The following KDSR variants were observed in gnomAD, a reference collection of about 807,000 sequenced individuals.
KDSR encodes the protein 3-dehydrosphinganine reductase.
In KDSR, 23 loss-of-function variants were observed where a neutral mutation model predicts 41.3. That is an observed-to-expected ratio of 0.56 (90% CI 0.40 to 0.79). The LOEUF (loss-of-function observed/expected upper bound fraction) is 0.79. Ranked by LOEUF, KDSR falls within the 30% of genes least tolerant of loss-of-function variation. The probability of loss-of-function intolerance (pLI) is 0.00; values close to 1 mark genes in which losing one functional copy is unlikely to be tolerated. For synonymous variants in KDSR, 138 were observed against 151.7 expected, an observed-to-expected ratio of 0.91 and a Z score of 0.66; for missense variants, 351 against 416.8, an observed-to-expected ratio of 0.84 and a Z score of 1.37.
chr18:63,338,982 T>C (rs1385950604), intron 7 of KDSR, 99 bp from the exon 8 acceptor site: 1 of 715,706 alleles, frequency 1.4e-6, no homozygotes, highest in African/African-American at 1.8e-5. Flanking sequence ...TAATTCCAAT[T>C]TTCTACCTTT....
At chr18:63,354,445 G>C (rs1914742966) in intron 5 of KDSR, among the ~76,000 whole-genome samples, 1 of 152,196 alleles carries the variant, frequency 6.6e-6, no homozygotes, top group Admixed American at 6.5e-5. Flanking sequence ...AGGTGGGCCA[G>C]TCACCTGAGG....
chr18:63,354,482 A>G (rs1458101157), intron 5 of KDSR, among the ~76,000 whole-genome samples: 3 of 152,172 alleles, frequency 2.0e-5, no homozygotes, highest in South Asian at 2.1e-4. Context: ...AGCCGGGCCA[A>G]CGTGGCGTAA....
intron 3 of KDSR, among the ~76,000 whole-genome samples, chr18:63,357,164 G>C (rs1914818995): frequency 6.6e-6 from 1 of 151,998 alleles, no homozygotes; most frequent in African/African-American, 2.4e-5. Context: ...CATCAGAAAG[G>C]CAAAAAGTAA....
intron 1 of KDSR, among the ~76,000 whole-genome samples, chr18:63,365,696 C>A (rs180809468): frequency 1.3e-5 from 2 of 152,176 alleles, no homozygotes; most frequent in Non-Finnish European, 2.9e-5. Context: ...AAGTTATGCT[C>A]TATAAACTCA....
Position 63,367,127 on chromosome 18 carries a change from G to T in KDSR, c.-9C>A, listed in dbSNP as rs767249236. The T allele has an allele frequency of 3.1e-6, 4 of 1,307,694 alleles. No homozygotes were observed. The Admixed American group carries it at 1.3e-4, about 42-fold the overall frequency. 81.0% of individuals were successfully genotyped at this position (1,307,694 alleles called of 1,614,324 possible). ...GCAGCCAGCAGCAGCATCGCTCCGC[G>T]GGGCCAGGGGCCCGGAGCGGCCGGG... On this transcript the variant is annotated 5_prime_UTR_variant, in exon 1 of 10. Transcript: ENST00000645214.
chr18:63,350,937 G>C lies in KDSR; in HGVS notation c.560C>G (p.Ser187Cys). 6.2e-7 allele frequency: 1 copy of C among 1,614,170 alleles called. No individual in the cohort carries two copies. Among genetic ancestry groups the C allele is most frequent in the Non-Finnish European group, 8.5e-7 (1 of 1,180,000 alleles). ...TCCCCTTATGGCAAACTTGGATGCAGAGTAGGCTGTGAAACCGAATAATCC... is the reference window on the plus strand; with the variant it reads ...TCCCCTTATGGCAAACTTGGATGCACAGTAGGCTGTGAAACCGAATAATCC... ...QLGLFGFTAY[S>C]ASKFAIRGLA... Residue 187 changes from serine to cysteine, a missense_variant, in exon 6 of 10, where the codon TCT becomes TGT. By Grantham distance (112) the Ser-to-Cys change is moderately radical. Coordinates refer to ENST00000645214, the MANE Select transcript of KDSR (RefSeq NM_002035.4).
At chr18:63,349,831 A>G (rs1195655476) in intron 6 of KDSR, among the ~76,000 whole-genome samples, 7 of 152,238 alleles carry the variant, frequency 4.6e-5, no homozygotes, top group African/African-American at 7.2e-5. Flanking sequence ...ACAATTGTTC[A>G]TTTACACATT....
intron 5 of KDSR, among the ~76,000 whole-genome samples, chr18:63,351,491 G>A (rs1322715127): frequency 2.0e-5 from 3 of 152,236 alleles, no homozygotes; most frequent in Non-Finnish European, 4.4e-5. Flanking sequence ...CACAGAGTAG[G>A]AGGGTGATTT....
intron 6 of KDSR, among the ~76,000 whole-genome samples, chr18:63,347,268 C>T (rs545967863): frequency 9.2e-5 from 14 of 152,094 alleles, no homozygotes; most frequent in Admixed American, 2.0e-4. Context: ...CTTTGGGAGG[C>T]CGAGGCAGGC....
At chr18:63,356,709 G>A (rs116575976) in intron 3 of KDSR, among the ~76,000 whole-genome samples, 8 of 152,312 alleles carry the variant, frequency 5.3e-5, no homozygotes, top group South Asian at 4.1e-4. Context: ...AGCCCAGAGC[G>A]GAGACAGTGT....
intron 2 of KDSR, 45 bp from the exon 3 acceptor site, chr18:63,359,837 C>A (rs2144377418): frequency 7.7e-7 from 1 of 1,304,000 alleles, no homozygotes; most frequent in Admixed American, 1.7e-5. Context: ...CGTCTATATG[C>A]ATGTCCGTTT....
intron 1 of KDSR, among the ~76,000 whole-genome samples, chr18:63,364,448 T>G (rs1247763239): frequency 1.3e-5 from 2 of 151,632 alleles, no homozygotes; most frequent in African/African-American, 4.9e-5. Context: ...AACATTATTT[T>G]TCTTTTTTTT....
intron 5 of KDSR, among the ~76,000 whole-genome samples, chr18:63,354,917 T>C (rs888880962): frequency 1.3e-5 from 2 of 152,186 alleles, no homozygotes; most frequent in Non-Finnish European, 2.9e-5. Flanking sequence ...CTCTTGAAAA[T>C]ATGACCTCAG....
At chr18:63,361,045 A>G (rs1301577291) in intron 2 of KDSR, among the ~76,000 whole-genome samples, 1 of 135,874 alleles carries the variant, frequency 7.4e-6, no homozygotes, top group African/African-American at 2.8e-5. Flanking sequence ...ATAAAAATAT[A>G]TATTTTATAT....
At chr18:63,354,011 A>G (rs561745819) in intron 5 of KDSR, among the ~76,000 whole-genome samples, 1 of 152,288 alleles carries the variant, frequency 6.6e-6, no homozygotes, top group South Asian at 2.1e-4. Flanking sequence ...ATGTAGGACA[A>G]TGAAAAAAAA....
At position 63,338,856 on chromosome 18, in the gene KDSR, T is replaced by C. The variant is rs772608313; in HGVS notation, c.721A>G (p.Thr241Ala). 6.2e-7 allele frequency: 1 copy of C among 1,608,498 alleles called. No homozygotes were observed. Among genetic ancestry groups the C allele is most frequent in the East Asian group, 2.2e-5 (1 of 44,826 alleles). Residue 241 changes from threonine to alanine, a missense_variant, in exon 8 of 10, where the codon ACC (threonine) becomes GCC (alanine). Thr to Ala is a moderately conservative substitution (Grantham distance 58). Coordinates refer to ENST00000645214, the MANE Select transcript of KDSR (RefSeq NM_002035.4). Reference protein sequence around the residue: ...KPLETRLISETTSVCKPEQVA... With the variant: ...KPLETRLISEATSVCKPEQVA... ...TGTTCTGGTTTGCACACAGATGTGG[T>C]CTCTGAAATAAGTCGAGTCTCCAAA... is the stretch of plus-strand genomic sequence containing the variant.
intron 9 of KDSR, among the ~76,000 whole-genome samples, chr18:63,332,530 A>G (rs1349548200): frequency 1.3e-5 from 2 of 152,154 alleles, no homozygotes; most frequent in Non-Finnish European, 2.9e-5. Context: ...GTCCCCGTGC[A>G]TAAGAGAATG....
At chr18:63,360,235 C>T (rs1383393455) in intron 2 of KDSR, among the ~76,000 whole-genome samples, 2 of 152,164 alleles carry the variant, frequency 1.3e-5, no homozygotes, top group African/African-American at 4.8e-5. Flanking sequence ...CTACTATAAA[C>T]CCAAACATAG....
intron 3 of KDSR, among the ~76,000 whole-genome samples, chr18:63,358,687 C>T (rs1232605859): frequency 3.3e-5 from 5 of 151,452 alleles, no homozygotes; most frequent in Non-Finnish European, 7.4e-5. Flanking sequence ...TGGTGGCACA[C>T]ACCTGTAATC....
Sources: gnomAD v4.1 joint callset for allele counts (sites outside exome capture counted in the v4.1 genomes callset) on GRCh38, gnomAD v4.1.1 for gene constraint, MANE v1.5 for transcripts, NCBI Gene and HGNC (gene_info 2026-07-23, HGNC 2026-07-21) for gene names.